Variants in PET117 observed in about 807,000 individuals in gnomAD.
PET117 encodes the protein PET117 cytochrome c oxidase chaperone.
PET117 carries 10 observed loss-of-function variants against 9.2 expected under a neutral mutation model. The ratio of observed to expected loss-of-function variants is 1.09; its 90% CI spans 0.67 to 1.85. The LOEUF (loss-of-function observed/expected upper bound fraction) is 1.85, where lower values mean the gene tolerates loss of function less well. Among genes scored for constraint, PET117 ranks in the 40% most tolerant of loss-of-function variants. The pLI, the probability that PET117 is intolerant of heterozygous loss-of-function variation, is 0.00. For missense variants in PET117, 96 were observed against 98.2 expected, an observed-to-expected ratio of 0.98 and a Z score of 0.09; for synonymous variants, 43 against 37.1, an observed-to-expected ratio of 1.16 and a Z score of -0.57.
chr20:18,139,413 G>T (rs1038608586), intron 1 of PET117, among the ~76,000 whole-genome samples: 1 of 152,192 alleles, frequency 6.6e-6, no homozygotes, highest in Admixed American at 6.5e-5. Flanking sequence ...CTTGGCTTTG[G>T]ACCCTAACTG....
At chr20:18,139,666 GTGTGTGTGTT>G (rs983900990) in intron 1 of PET117, among the ~76,000 whole-genome samples, 24 of 85,654 alleles carry the variant, frequency 2.8e-4, no homozygotes, top group African/African-American at 8.0e-4. Context: ...GTGTGTGTGT[GTGTGTGTGTT>G]TATTTTTTTT....
At chr20:18,139,037 C>T (rs1408812678) in intron 1 of PET117, among the ~76,000 whole-genome samples, 1 of 152,166 alleles carries the variant, frequency 6.6e-6, no homozygotes, top group Non-Finnish European at 1.5e-5. Context: ...CTTGATTTGC[C>T]TACCCAGACC....
rs1469118133 is a variant in PET117 at position 18,142,863 on chromosome 20, G to A, written c.*506G>A. 1 of 1,614,162 alleles carries A rather than the reference G, an allele frequency of 6.2e-7. No homozygotes were observed. Among genetic ancestry groups the A allele is most frequent in the Non-Finnish European group, 8.5e-7 (1 of 1,180,018 alleles). ...AACAGTGATGAAGGAGACGTGTCTT[G>A]GATGGAGGAGCAGCTGTCCTACTTC... is the stretch of plus-strand genomic sequence containing the variant. On this transcript the variant is annotated 3_prime_UTR_variant, in exon 2 of 2. Coordinates refer to ENST00000432901, the MANE Select transcript of PET117 (RefSeq NM_001164811.2).
intron 1 of PET117, among the ~76,000 whole-genome samples, chr20:18,140,818 C>CA (rs1157203058): frequency 0.39 from 30,854 of 78,632 alleles, 5,887 homozygotes; most frequent in East Asian, 0.64. Flanking sequence ...GACTCCTTCT[C>CA]AAAAAAAAAA....
At chr20:18,138,312 C>G in intron 1 of PET117, 2 of 1,171,244 alleles carry the variant, frequency 1.7e-6, no homozygotes, top group Non-Finnish European at 2.1e-6. Flanking sequence ...GAGCTCCGCG[C>G]TGAAGGGGCC....
In PET117 at chr20:18,142,797, C is replaced by G. The variant is rs1438950475; in HGVS notation, c.*440C>G. 1 of 1,614,158 alleles carries G rather than the reference C, an allele frequency of 6.2e-7. No homozygotes were observed. Among genetic ancestry groups the G allele is most frequent in the South Asian group, 1.1e-5 (1 of 91,078 alleles). ...CTGATCGTCGAATCCGAGGATCAGGCATCAGTGGACTTATCGCACGACCAG... is the reference window on the plus strand; with the variant it reads ...CTGATCGTCGAATCCGAGGATCAGGGATCAGTGGACTTATCGCACGACCAG... On this transcript the variant is annotated 3_prime_UTR_variant, in exon 2 of 2. Coordinates refer to ENST00000432901, the MANE Select transcript of PET117 (RefSeq NM_001164811.2).
chr20:18,137,916 G>A lies in PET117; in HGVS notation c.-40G>A, dbSNP rs987114672. ...CACTCTGCGGCGGCCTCTGCGCCTC[G>A]GGCGGGCGGGAGAGAGAGGCCGCGG... On this transcript the variant is annotated 5_prime_UTR_variant, in exon 1 of 2. Transcript: ENST00000432901. 15 of 1,461,052 alleles carry A rather than the reference G, an allele frequency of 1.0e-5. No homozygotes were observed. Among genetic ancestry groups the A allele is most frequent in the Non-Finnish European group, 1.3e-5 (14 of 1,113,414 alleles). The allele number at this position is 1,461,052 out of a possible 1,614,324, so 90.5% of individuals were successfully genotyped here.
intron 1 of PET117, 29 bp downstream of exon 1, chr20:18,138,080 G>T (rs773896508): frequency 6.9e-7 from 1 of 1,443,714 alleles, no homozygotes; most frequent in Non-Finnish European, 9.1e-7. Context: ...TCTCTTCCGG[G>T]CCCGCGCGCG....
chr20:18,139,319 T>A (rs1450696468), intron 1 of PET117, among the ~76,000 whole-genome samples: 1 of 152,120 alleles, frequency 6.6e-6, no homozygotes. Flanking sequence ...TGGGAAAACT[T>A]GAGATGGAGT....
chr20:18,138,239 TCCCGGCGGGCGTGTGCAGCC>T, intron 1 of PET117, 188 bp downstream of exon 1: 1 of 1,243,410 alleles, frequency 8.0e-7, no homozygotes, highest in Non-Finnish European at 1.0e-6. Flanking sequence ...GCGCTGCAGC[TCCCGGCGGGCGTGTGCAGCC>T]CGCAGATTCA....
rs1357793281 is a variant in PET117, at chr20:18,142,384, GACA to G, written c.*31_*33del. 1 of 1,527,970 alleles carries G rather than the reference GACA, an allele frequency of 6.5e-7. No homozygotes were observed. Among genetic ancestry groups the G allele is most frequent in the South Asian group, 1.2e-5 (1 of 83,144 alleles). 94.7% of individuals were successfully genotyped at this position (1,527,970 alleles called of 1,614,324 possible). A position where few individuals can be genotyped will look rare whatever the true frequency, so the allele number is the denominator to read the frequency against. The stretch of plus-strand genomic sequence containing the variant: ...TTGAATGTGAAATATCTGTTGGACA[GACA>G]ACACGAGTTTGTGTGTGTGTGTTGA... On this transcript the variant is annotated 3_prime_UTR_variant, in exon 2 of 2. Transcript: ENST00000432901.
chr20:18,140,974 C>T (rs1331495398), intron 1 of PET117, among the ~76,000 whole-genome samples: 7 of 148,522 alleles, frequency 4.7e-5, no homozygotes, highest in African/African-American at 2.5e-5. Flanking sequence ...CCTATCACCT[C>T]AGCCTCCGGA....
Position 18,142,351 on chromosome 20 carries a change from AT to A in PET117, c.241del (p.Ser81HisfsTer20). On this transcript the variant is annotated frameshift_variant, in exon 2 of 2. Transcript: ENST00000432901. LOFTEE classifies it high-confidence loss of function. ...TGTTATTGGCAAAAGGATCTCAAAA[AT>A]CATGACTTGAATGTGAAATATCTGT... Reference protein sequence around the residue: ...KMLLAKGSQKS With the variant: ...KMLLAKGSQKX The A allele has an allele frequency of 6.5e-7, 1 of 1,536,166 alleles. No homozygotes were observed. Among genetic ancestry groups the A allele is most frequent in the Non-Finnish European group, 8.7e-7 (1 of 1,146,136 alleles).
At chr20:18,141,051 T>TTTTTTTTTTTTTTTTTTTTTG (rs58888387) in intron 1 of PET117, among the ~76,000 whole-genome samples, 11 of 109,702 alleles carry the variant, frequency 1.0e-4, no homozygotes, top group South Asian at 3.2e-4. Flanking sequence ...TTTTTTATTT[T>TTTTTTTTTTTTTTTTTTTTTG]TATTTTTGCT....
chr20:18,143,080 T>C lies in PET117; in HGVS notation c.*723T>C. Reference sequence around the variant, plus strand: ...TAAATTTATATAAAACATAGGCATGTTTGTACTAATGAAACGTACTGTCAA... The same window carrying C: ...TAAATTTATATAAAACATAGGCATGCTTGTACTAATGAAACGTACTGTCAA... On this transcript the variant is annotated 3_prime_UTR_variant, in exon 2 of 2. Transcript: ENST00000432901. The C allele has an allele frequency of 7.1e-7, 1 of 1,411,874 alleles. No individual in the cohort carries two copies. Among genetic ancestry groups the C allele is most frequent in the Non-Finnish European group, 9.2e-7 (1 of 1,082,046 alleles). The allele number at this position is 1,411,874 out of a possible 1,614,324, so 87.5% of individuals were successfully genotyped here.
intron 1 of PET117, 55 bp downstream of exon 1, chr20:18,138,106 G>T (rs2037365277): frequency 1.4e-6 from 2 of 1,428,758 alleles, no homozygotes; most frequent in Admixed American, 2.8e-5. Flanking sequence ...TCGACCTGGG[G>T]CCTCTCGTGG....
chr20:18,138,766 C>CT (rs1459141271), intron 1 of PET117, among the ~76,000 whole-genome samples: 1 of 152,108 alleles, frequency 6.6e-6, no homozygotes, highest in Admixed American at 6.6e-5. Context: ...ATTCTGTCCT[C>CT]TCAGTTCATA....
chr20:18,140,564 C>A (rs2037495332), intron 1 of PET117, among the ~76,000 whole-genome samples: 1 of 151,966 alleles, frequency 6.6e-6, no homozygotes, highest in Admixed American at 6.6e-5. Context: ...AATCCCAGCA[C>A]TTTGGGAGGC....
In PET117 at chr20:18,142,396, T is replaced by TTG. The variant is rs778556571; in HGVS notation, c.*51_*52dup. On this transcript the variant is annotated 3_prime_UTR_variant, in exon 2 of 2. Transcript: ENST00000432901. ...TATCTGTTGGACAGACAACACGAGT[T>TTG]TGTGTGTGTGTGTTGATGGAGAGTA... The TTG allele has an allele frequency of 4.0e-6, 6 of 1,481,628 alleles. No homozygotes were observed. Among genetic ancestry groups the TTG allele is most frequent in the Admixed American group, 2.1e-5 (1 of 48,490 alleles). 91.8% of individuals were successfully genotyped at this position (1,481,628 alleles called of 1,614,324 possible). A position where few individuals can be genotyped will look rare whatever the true frequency, so the allele number is the denominator to read the frequency against.
Sources: gnomAD v4.1 joint callset for allele counts (sites outside exome capture counted in the v4.1 genomes callset) on GRCh38, gnomAD v4.1.1 for gene constraint, MANE v1.5 for transcripts, NCBI Gene and HGNC (gene_info 2026-07-23, HGNC 2026-07-21) for gene names.